TSPAN7: variants seen among roughly 807,000 people sequenced by gnomAD.
The protein encoded by TSPAN7 is tetraspanin-7.
Under a neutral mutation model 17.6 loss-of-function variants are expected in TSPAN7, and 1 was observed. The observed-to-expected ratio is 0.06, with a 90% CI of 0.02 to 0.27. The LOEUF (loss-of-function observed/expected upper bound fraction) is 0.27. TSPAN7 is among the 10% of genes least tolerant of loss of function. The probability of loss-of-function intolerance (pLI) is 1.00; values close to 1 mark genes in which losing one functional copy is unlikely to be tolerated. For missense variants in TSPAN7, 112 were observed against 201.7 expected (o/e 0.56, Z 2.69); for synonymous variants, 78 against 79.0 (o/e 0.99, Z 0.07).
chrX:38,639,449 T>A (rs2069601164), intron 1 of TSPAN7, among the ~76,000 whole-genome samples: 1 of 103,428 alleles, frequency 9.7e-6, no homozygotes, highest in African/African-American at 3.6e-5. Flanking sequence ...ATATTTTCCC[T>A]TCTGCCTGGA....
At chrX:38,576,591 G>A (rs1204900881) in intron 1 of TSPAN7, among the ~76,000 whole-genome samples, 2 of 111,933 alleles carry the variant, frequency 1.8e-5, no homozygotes, top group African/African-American at 6.5e-5. Context: ...AGTTAGATAT[G>A]TGCCTCTTGG....
chrX:38,621,904 C>T (rs1408786982), intron 1 of TSPAN7, among the ~76,000 whole-genome samples: 1 of 112,412 alleles, frequency 8.9e-6, no homozygotes, highest in Non-Finnish European at 1.9e-5. Flanking sequence ...AGGCTGACTT[C>T]AGAAACAGTT....
chrX:38,612,121 T>C (rs947582943), intron 1 of TSPAN7, among the ~76,000 whole-genome samples: 28 of 111,846 alleles, frequency 2.5e-4, no homozygotes, highest in African/African-American at 8.5e-4. Context: ...CAGAGCTTAT[T>C]GTGGGGAAGT....
chrX:38,565,194 A>G (rs991702119), intron 1 of TSPAN7, among the ~76,000 whole-genome samples: 3 of 111,778 alleles, frequency 2.7e-5, no homozygotes, highest in African/African-American at 9.8e-5. Flanking sequence ...TATGCTAGGT[A>G]GTTTACAAAA....
intron 1 of TSPAN7, among the ~76,000 whole-genome samples, chrX:38,663,076 C>T (rs764756840): frequency 1.8e-5 from 2 of 110,060 alleles, no homozygotes; most frequent in African/African-American, 3.3e-5. Context: ...TATAGCAGCA[C>T]GATTCGCAAT....
intron 1 of TSPAN7, among the ~76,000 whole-genome samples, chrX:38,583,320 G>A (rs1008063142): frequency 8.9e-6 from 1 of 112,037 alleles, no homozygotes; most frequent in Non-Finnish European, 1.9e-5. Flanking sequence ...CGCTCTCCCT[G>A]CCACTCTAGA....
At chrX:38,680,539 T>TTC (rs61619425) in intron 5 of TSPAN7, among the ~76,000 whole-genome samples, 5,214 of 75,505 alleles carry the variant, frequency 0.069, 192 homozygotes, top group Admixed American at 0.098. Context: ...TACTTACAAA[T>TTC]TCTCTCTCTC....
intron 1 of TSPAN7, among the ~76,000 whole-genome samples, chrX:38,641,966 A>G (rs2069614622): frequency 8.9e-6 from 1 of 112,026 alleles, no homozygotes. Flanking sequence ...TTTTCATTAC[A>G]AAGTATAAAA....
chrX:38,635,540 T>TTGA (rs1316227623), intron 1 of TSPAN7, among the ~76,000 whole-genome samples: 1 of 111,712 alleles, frequency 9.0e-6, no homozygotes, highest in Admixed American at 9.5e-5. Flanking sequence ...CCCATCTCAG[T>TTGA]TGATGAAAAT....
chrX:38,571,133 C>T (rs2069167574), intron 1 of TSPAN7, among the ~76,000 whole-genome samples: 2 of 111,363 alleles, frequency 1.8e-5, no homozygotes, highest in African/African-American at 6.5e-5. Context: ...TTGGTGCTTT[C>T]TGCAAGATAT....
At chrX:38,622,890 T>C (rs2069496940) in intron 1 of TSPAN7, 1 of 329,986 alleles carries the variant, frequency 3.0e-6, no homozygotes, top group Non-Finnish European at 5.9e-6. Flanking sequence ...ATATTTCTGT[T>C]TGTTTGGGAT....
chrX:38,626,790 T>C (rs1271897102), intron 1 of TSPAN7, among the ~76,000 whole-genome samples: 7 of 111,882 alleles, frequency 6.3e-5, no homozygotes, highest in Non-Finnish European at 1.9e-5. Flanking sequence ...GAGCATTCAA[T>C]AATTACTTTA....
intron 1 of TSPAN7, among the ~76,000 whole-genome samples, chrX:38,620,097 A>G (rs950046261): frequency 9.0e-6 from 1 of 111,676 alleles, no homozygotes; most frequent in Non-Finnish European, 1.9e-5. Flanking sequence ...GCCATGTTTT[A>G]GGAAAGAAGT....
rs756612812 is a variant in TSPAN7 at position 38,583,310 on chromosome X, C to T, written c.81+21683C>T. Among the ~76,000 whole-genome samples the T allele has an allele frequency of 1.7e-3, 187 of 112,149 alleles. 1 individual carries two copies. The highest frequency in any genetic ancestry group is 4.6e-3 in the Middle Eastern group (1 of 217). The stretch of plus-strand genomic sequence containing the variant: ...GTGGGAAGCCTTGCCTTTTTTGACA[C>T]GCTCTCCCTGCCACTCTAGAGTCAT... On this transcript the variant is annotated intron_variant, in intron 1 of 7. Coordinates refer to ENST00000378482, the MANE Select transcript of TSPAN7 (RefSeq NM_004615.4).
chrX:38,643,323 AG>A (rs1449996631), intron 1 of TSPAN7, among the ~76,000 whole-genome samples: 1 of 110,469 alleles, frequency 9.1e-6, no homozygotes, highest in Non-Finnish European at 1.9e-5. Context: ...AAGCAAAAAA[AG>A]CCACAAGGGG....
chrX:38,683,677 CTATT>C (rs980964226), intron 6 of TSPAN7, among the ~76,000 whole-genome samples: 2 of 112,709 alleles, frequency 1.8e-5, no homozygotes, highest in Admixed American at 9.3e-5. Flanking sequence ...GGAACTGCAG[CTATT>C]TATGGTGCTG....
At chrX:38,616,156 G>A (rs1046521159) in intron 1 of TSPAN7, among the ~76,000 whole-genome samples, 3 of 112,276 alleles carry the variant, frequency 2.7e-5, no homozygotes, top group African/African-American at 6.5e-5. Flanking sequence ...AATTGACAGC[G>A]TTTAGTACTT....
At chrX:38,603,496 G>A (rs1250648425) in intron 1 of TSPAN7, among the ~76,000 whole-genome samples, 1 of 111,979 alleles carries the variant, frequency 8.9e-6, no homozygotes, top group Non-Finnish European at 1.9e-5. Context: ...TAGCTCAGAA[G>A]TGGAAACAAC....
intron 1 of TSPAN7, among the ~76,000 whole-genome samples, chrX:38,571,156 CCAT>C (rs1289626757): frequency 2.7e-5 from 3 of 110,940 alleles, no homozygotes; most frequent in Non-Finnish European, 3.8e-5. Flanking sequence ...TGGGATTTTC[CCAT>C]CATCATCTGT....
Sources: gnomAD v4.1 joint callset for allele counts (sites outside exome capture counted in the v4.1 genomes callset) on GRCh38, gnomAD v4.1.1 for gene constraint, MANE v1.5 for transcripts, NCBI Gene and HGNC (gene_info 2026-07-23, HGNC 2026-07-21) for gene names.